Variants in SNED1 observed in about 807,000 individuals in gnomAD.
SNED1 encodes sushi, nidogen and EGF-like domain-containing protein 1.
SNED1 carries 81 observed loss-of-function variants against 166.7 expected under a neutral mutation model. That is an observed-to-expected ratio of 0.49 (90% CI 0.41 to 0.58). The LOEUF is 0.58. Ranked by LOEUF, SNED1 falls within the 20% of genes least tolerant of loss-of-function variation. The pLI is 0.00. For synonymous variants in SNED1, 762 were observed against 822.0 expected (o/e 0.93, Z 1.25); for missense variants, 1,604 against 2,000.2 (o/e 0.80, Z 3.78).
At chr2:241,050,097 C>A (rs1194441037) in intron 12 of SNED1, 164 bp downstream of exon 12, 2 of 689,988 alleles carry the variant, frequency 2.9e-6, no homozygotes, top group African/African-American at 3.5e-5. Context: ...GAGGTGAGCA[C>A]CTCACTGTTT....
chr2:241,016,850 CTT>C (rs5839783), intron 1 of SNED1, among the ~76,000 whole-genome samples: 52 of 125,760 alleles, frequency 4.1e-4, no homozygotes, highest in Non-Finnish European at 6.8e-4. Flanking sequence ...TTCTTTCTTT[CTT>C]TTTTTTTTTT....
chr2:241,081,221 G>A (rs2063312846), intron 27 of SNED1, among the ~76,000 whole-genome samples: 1 of 152,158 alleles, frequency 6.6e-6, no homozygotes, highest in Non-Finnish European at 1.5e-5. Flanking sequence ...AGGAAACACA[G>A]GGGTGGGATC....
chr2:241,066,550 GA>G (rs935676203), intron 21 of SNED1, among the ~76,000 whole-genome samples: 3 of 152,200 alleles, frequency 2.0e-5, no homozygotes, highest in Non-Finnish European at 4.4e-5. Flanking sequence ...ACAGGAGCAA[GA>G]ATGGGGAAGG....
intron 1 of SNED1, among the ~76,000 whole-genome samples, chr2:241,004,008 G>A (rs2060146620): frequency 6.6e-6 from 1 of 152,260 alleles, no homozygotes; most frequent in Non-Finnish European, 1.5e-5. Context: ...ACAGGGCCAG[G>A]CTGTCCTATG....
intron 27 of SNED1, among the ~76,000 whole-genome samples, chr2:241,079,019 CAGA>C (rs1410601030): frequency 1.3e-5 from 2 of 149,222 alleles, no homozygotes; most frequent in Non-Finnish European, 2.9e-5. Context: ...GAGGCTGAGG[CAGA>C]AGAATTGCTT....
intron 1 of SNED1, among the ~76,000 whole-genome samples, chr2:241,002,709 A>C (rs1177232694): frequency 6.6e-6 from 1 of 152,048 alleles, no homozygotes; most frequent in Non-Finnish European, 1.5e-5. Context: ...GCAGATGAGG[A>C]AACCGAGGCT....
At chr2:241,001,399 C>A (rs1464495865) in intron 1 of SNED1, among the ~76,000 whole-genome samples, 2 of 152,174 alleles carry the variant, frequency 1.3e-5, no homozygotes, top group South Asian at 2.1e-4. Flanking sequence ...ATGGAGTGGC[C>A]CCCTTTCCAG....
At chr2:241,024,126 C>T (rs1463121279) in intron 1 of SNED1, among the ~76,000 whole-genome samples, 2 of 150,920 alleles carry the variant, frequency 1.3e-5, no homozygotes, top group East Asian at 3.9e-4. Flanking sequence ...ACCTCAAGTG[C>T]CTGCCTGGGC....
intron 3 of SNED1, among the ~76,000 whole-genome samples, chr2:241,034,316 C>T (rs1409643075): frequency 6.6e-6 from 1 of 152,188 alleles, no homozygotes; most frequent in Non-Finnish European, 1.5e-5. Flanking sequence ...CTCCTGGCCA[C>T]CTGCTTTCTC....
intron 27 of SNED1, among the ~76,000 whole-genome samples, chr2:241,078,004 T>C (rs1425405004): frequency 6.6e-6 from 1 of 152,110 alleles, no homozygotes; most frequent in African/African-American, 2.4e-5. Flanking sequence ...AAAACCTATG[T>C]CCACATGAGG....
At chr2:241,006,731 G>A (rs1478380749) in intron 1 of SNED1, among the ~76,000 whole-genome samples, 2 of 152,182 alleles carry the variant, frequency 1.3e-5, no homozygotes, top group African/African-American at 4.8e-5. Context: ...TGAGAGAAAT[G>A]GAAGCAATAA....
intron 6 of SNED1, 60 bp from the exon 7 acceptor site, chr2:241,040,006 AGGGGTTTCT>A: frequency 8.0e-7 from 1 of 1,257,032 alleles, no homozygotes; most frequent in Middle Eastern, 1.9e-4. Flanking sequence ...TGTACGTCCC[AGGGGTTTCT>A]GTCCCCTCAG....
intron 4 of SNED1, among the ~76,000 whole-genome samples, chr2:241,035,342 G>A (rs1432250489): frequency 1.3e-5 from 2 of 152,316 alleles, no homozygotes; most frequent in African/African-American, 2.4e-5. Context: ...TGCACAAACG[G>A]ACGGGGTGGG....
Position 241,069,650 on chromosome 2 carries a change from G to A in SNED1, c.3308-270G>A, listed in dbSNP as rs983683203. Among the ~76,000 whole-genome samples the A allele has an allele frequency of 6.6e-6, 1 of 152,162 alleles. No homozygotes were observed. Among genetic ancestry groups the A allele is most frequent in the Admixed American group, 6.5e-5 (1 of 15,282 alleles). On this transcript the variant is annotated intron_variant, in intron 23 of 31. Transcript: ENST00000310397. This position sits in a 1 kb window ranked among gnomAD's most constrained non-coding sequence, Gnocchi z 4.9. ...GGGAACCGACTGTGCCGCAGGGAGG[G>A]CGCCAGCTGACGGGCCAGGGCCTGG...
intron 27 of SNED1, among the ~76,000 whole-genome samples, chr2:241,080,321 T>A (rs1352209116): frequency 6.6e-6 from 1 of 152,218 alleles, no homozygotes; most frequent in Non-Finnish European, 1.5e-5. Context: ...CTTTTGATTC[T>A]GTTAATTTGA....
At position 241,018,330 on chromosome 2, in the gene SNED1, G is replaced by C. The variant is rs1364610053; in HGVS notation, c.214-11954G>C. On this transcript the variant is annotated intron_variant, in intron 1 of 31. Transcript: ENST00000310397. The surrounding 1 kb of genome is among the most constrained non-coding windows in gnomAD (Gnocchi z 5.4). ...TTACATGGGGGCACGTTTGGGTGCA[G>C]ATACCACCTGGATCCACAGGACAGA... 6.6e-6 allele frequency among the ~76,000 whole-genome samples: 1 copy of C among 152,224 alleles called. No individual in the cohort carries two copies. The highest frequency in any genetic ancestry group is 2.4e-5 in the African/African-American group (1 of 41,466).
intron 2 of SNED1, among the ~76,000 whole-genome samples, chr2:241,033,014 T>A (rs2061237044): frequency 6.6e-6 from 1 of 152,234 alleles, no homozygotes; most frequent in South Asian, 2.1e-4. Flanking sequence ...AATGTTTAAT[T>A]CTCCCTTTTG....
rs968749714 is a variant in SNED1 at position 241,027,734 on chromosome 2, T to C, written c.214-2550T>C. ...CACCAACCCTTGTTATTTTCTTCTG[T>C]TTTTTTTTTTTTTTTTTAAGGTGGA... On this transcript the variant is annotated intron_variant, in intron 1 of 31. Transcript: ENST00000310397. Among the ~76,000 whole-genome samples, 57 of 122,362 alleles carry C rather than the reference T, an allele frequency of 4.7e-4. 1 individual carries two copies. Among genetic ancestry groups the C allele is most frequent in the African/African-American group, 1.3e-3 (47 of 35,244 alleles). 80.3% of individuals were successfully genotyped at this position (122,362 alleles called of 152,430 possible).
rs2064354957 is a variant in SNED1, at chr2:241,095,511, G to T, written c.*3875G>T. ...TTTTGGATTAAAAATAAGCATTTTT[G>T]TGGAAAATCTGCTACATGTTTTCAT... On this transcript the variant is annotated 3_prime_UTR_variant, in exon 32 of 32. Transcript: ENST00000310397. 6.2e-6 allele frequency: 1 copy of T among 160,716 alleles called. No individual in the cohort carries two copies. The highest frequency in any genetic ancestry group is 1.4e-5 in the Non-Finnish European group (1 of 72,714). The allele number at this position is 160,716 out of a possible 1,614,324, so 10.0% of individuals were successfully genotyped here. A position where few individuals can be genotyped will look rare whatever the true frequency, so the allele number is the denominator to read the frequency against.
Sources: gnomAD v4.1 joint callset for allele counts (sites outside exome capture counted in the v4.1 genomes callset) on GRCh38, gnomAD v4.1.1 for gene constraint, Gnocchi (gnomAD v3.1) non-coding constraint, MANE v1.5 for transcripts, NCBI Gene and HGNC (gene_info 2026-07-23, HGNC 2026-07-21) for gene names.